SLCO2A1: variants seen among roughly 807,000 people sequenced by gnomAD.
SLCO2A1 encodes solute carrier organic anion transporter family member 2A1, also known as matrin F/G 1.
A neutral mutation model predicts 71.7 loss-of-function variants in SLCO2A1; 60 were observed. The observed-to-expected ratio is 0.84, with a 90% CI of 0.68 to 1.04. The LOEUF is 1.04. Ranked by LOEUF, SLCO2A1 falls within the 50% of genes least tolerant of loss-of-function variation. The pLI is 0.00. For missense variants in SLCO2A1, 745 were observed against 813.4 expected (o/e 0.92, Z 1.02); for synonymous variants, 308 against 326.7 (o/e 0.94, Z 0.62).
Position 133,945,350 on chromosome 3 carries a change from G to GCAC in SLCO2A1, c.1296-91_1296-90insGTG, listed in dbSNP as rs372970285. The GCAC allele has an allele frequency of 5.4e-5, 68 of 1,266,362 alleles. 3 individuals carry two copies. The highest frequency in any genetic ancestry group is 2.4e-4 in the African/African-American group (16 of 66,260). 78.4% of individuals were successfully genotyped at this position (1,266,362 alleles called of 1,614,324 possible). ...GCCCAGTGTGAGTTCCTGGCCTGGT[G>GCAC]AGTGTGTCTGTGCATCTTTATTTCT... On this transcript the variant is annotated intron_variant, in intron 9 of 13. Transcript: ENST00000310926.
At chr3:133,986,582 A>G (rs1038816876) in intron 1 of SLCO2A1, among the ~76,000 whole-genome samples, 1 of 152,236 alleles carries the variant, frequency 6.6e-6, no homozygotes, top group African/African-American at 2.4e-5. Flanking sequence ...TCATTCTCCA[A>G]TCCTAACAAA....
intron 1 of SLCO2A1, among the ~76,000 whole-genome samples, chr3:134,010,022 C>A (rs188913518): frequency 1.3e-5 from 2 of 152,310 alleles, no homozygotes; most frequent in Admixed American, 1.3e-4. Context: ...AGGACCTACC[C>A]TTGTCCATAT....
chr3:133,950,792 C>G (rs1576430481), intron 6 of SLCO2A1, among the ~76,000 whole-genome samples: 1 of 152,226 alleles, frequency 6.6e-6, no homozygotes, highest in South Asian at 2.1e-4. Context: ...ACCCTCAACA[C>G]TGTTCAATGC....
In SLCO2A1 at chr3:133,947,131, C is replaced by T. The variant is rs901299256; in HGVS notation, c.1295+125G>A. 7 of 795,302 alleles carry T rather than the reference C, an allele frequency of 8.8e-6. No individual in the cohort carries two copies. In the African/African-American group the frequency reaches 9.1e-5, roughly 10 times the overall value. 49.3% of individuals were successfully genotyped at this position (795,302 alleles called of 1,614,324 possible). On this transcript the variant is annotated intron_variant, in intron 9 of 13. Transcript: ENST00000310926. ...CCTGGGTGACGGAGCGAGACTCTGT[C>T]TCAAAAAAAAAAAAAAGTGTACAGC...
intron 1 of SLCO2A1, among the ~76,000 whole-genome samples, chr3:134,026,027 T>A (rs1935695036): frequency 1.3e-5 from 2 of 152,170 alleles, no homozygotes; most frequent in East Asian, 3.8e-4. Flanking sequence ...AAGAGATCAA[T>A]GACCATGGGA....
chr3:133,994,172 G>A (rs138039963), intron 1 of SLCO2A1, among the ~76,000 whole-genome samples: 3 of 152,200 alleles, frequency 2.0e-5, no homozygotes, highest in African/African-American at 2.4e-5. Context: ...TGTGTCTGGC[G>A]GACTATCTGA....
rs1434719955 is a variant in SLCO2A1, at chr3:133,979,354, G to A, written c.234+127C>T. The A allele has an allele frequency of 4.1e-6, 5 of 1,216,006 alleles. No individual in the cohort carries two copies. The Admixed American group carries it at 5.2e-5, about 13-fold the overall frequency. 75.3% of individuals were successfully genotyped at this position (1,216,006 alleles called of 1,614,324 possible). Reference sequence around the variant, plus strand: ...CTGGATCTTTGCTGTTTCGTTTGCTGTTACCCGGCAGAAAGAGGCATTGCA... The same window carrying A: ...CTGGATCTTTGCTGTTTCGTTTGCTATTACCCGGCAGAAAGAGGCATTGCA... On this transcript the variant is annotated intron_variant, in intron 2 of 13. Transcript: ENST00000310926.
At chr3:133,986,033 G>A (rs190527707) in intron 1 of SLCO2A1, among the ~76,000 whole-genome samples, 19 of 152,296 alleles carry the variant, frequency 1.2e-4, no homozygotes, top group South Asian at 6.2e-4. Context: ...ACTTTCTACC[G>A]TGGTGGAAAT....
At chr3:133,985,524 T>C (rs1559946752) in intron 1 of SLCO2A1, among the ~76,000 whole-genome samples, 1 of 152,238 alleles carries the variant, frequency 6.6e-6, no homozygotes, top group South Asian at 2.1e-4. Flanking sequence ...CTGCATTATC[T>C]TCTTTAAAAT....
intron 1 of SLCO2A1, among the ~76,000 whole-genome samples, chr3:133,998,040 TGCCTTCA>T (rs1402212437): frequency 1.3e-5 from 2 of 152,194 alleles, no homozygotes; most frequent in Non-Finnish European, 2.9e-5. Context: ...TCAGAAAACC[TGCCTTCA>T]GCAAGAGCCG....
At chr3:133,985,323 T>A (rs1221415032) in intron 1 of SLCO2A1, among the ~76,000 whole-genome samples, 1 of 152,226 alleles carries the variant, frequency 6.6e-6, no homozygotes, top group Non-Finnish European at 1.5e-5. Context: ...AAGTCAACCT[T>A]CCCATGCTTC....
At chr3:133,942,507 G>T (rs955652259) in intron 11 of SLCO2A1, 98 bp downstream of exon 11, 166 of 1,285,926 alleles carry the variant, frequency 1.3e-4, no homozygotes, top group Non-Finnish European at 1.7e-4. Context: ...GGCCACAAAA[G>T]GGGGGAGAGA....
At chr3:133,981,227 C>G (rs5013525) in intron 1 of SLCO2A1, among the ~76,000 whole-genome samples, 50,190 of 151,918 alleles carry the variant, frequency 0.33, 8,688 homozygotes, top group Non-Finnish European at 0.39. Context: ...CAGAAAGGGT[C>G]CTGTCTCTGT....
At chr3:133,966,561 G>A (rs1559938862) in intron 3 of SLCO2A1, among the ~76,000 whole-genome samples, 1 of 152,234 alleles carries the variant, frequency 6.6e-6, no homozygotes, top group Non-Finnish European at 1.5e-5. Flanking sequence ...GTCCTGGTTT[G>A]TGGGTCAGTC....
chr3:133,958,397 C>A (rs1576434272), intron 3 of SLCO2A1, among the ~76,000 whole-genome samples: 1 of 152,156 alleles, frequency 6.6e-6, no homozygotes, highest in East Asian at 1.9e-4. Context: ...ACTGGTCACT[C>A]CCCCAGTGCA....
At chr3:133,951,113 T>G in intron 6 of SLCO2A1, 95 bp downstream of exon 6, 1 of 1,536,176 alleles carries the variant, frequency 6.5e-7, no homozygotes, top group African/African-American at 1.4e-5. Flanking sequence ...TGAATTTGCT[T>G]AACATGCTGC....
At chr3:133,960,355 G>A (rs1186931689) in intron 3 of SLCO2A1, among the ~76,000 whole-genome samples, 1 of 152,154 alleles carries the variant, frequency 6.6e-6, no homozygotes, top group Non-Finnish European at 1.5e-5. Flanking sequence ...ATATGCAATG[G>A]AATATTATAC....
intron 1 of SLCO2A1, among the ~76,000 whole-genome samples, chr3:133,996,111 G>A (rs532560289): frequency 6.8e-4 from 104 of 152,262 alleles, no homozygotes; most frequent in Admixed American, 1.2e-3. Flanking sequence ...AGGAGAGGGC[G>A]TCCTTGGGGC....
chr3:133,998,392 C>A (rs1935026161), intron 1 of SLCO2A1, among the ~76,000 whole-genome samples: 1 of 152,222 alleles, frequency 6.6e-6, no homozygotes, highest in South Asian at 2.1e-4. Flanking sequence ...GTCTGCCGCC[C>A]ATGTCCTGCC....
Sources: gnomAD v4.1 joint callset for allele counts (sites outside exome capture counted in the v4.1 genomes callset) on GRCh38, gnomAD v4.1.1 for gene constraint, MANE v1.5 for transcripts, NCBI Gene and HGNC (gene_info 2026-07-23, HGNC 2026-07-21) for gene names.